The following CACNA2D3 variants were observed in gnomAD, a reference collection of about 807,000 sequenced individuals.
CACNA2D3 encodes the protein voltage-dependent calcium channel subunit alpha-2/delta-3.
CACNA2D3 carries 60 observed loss-of-function variants against 160.6 expected under a neutral mutation model. The observed-to-expected ratio is 0.37, with a 90% confidence interval of 0.30 to 0.46. The LOEUF (loss-of-function observed/expected upper bound fraction) is 0.46. Ranked by LOEUF, CACNA2D3 falls within the 20% of genes least tolerant of loss-of-function variation. The pLI is 1.00. For missense variants in CACNA2D3, 1,205 were observed against 1,365.0 expected (o/e 0.88, Z 1.85); for synonymous variants, 558 against 492.9 (o/e 1.13, Z -1.75).
At chr3:54,682,920 C>T (rs1192414735) in intron 11 of CACNA2D3, among the ~76,000 whole-genome samples, 2 of 152,090 alleles carry the variant, frequency 1.3e-5, no homozygotes, top group Non-Finnish European at 2.9e-5. Flanking sequence ...TGAAGCTGAG[C>T]TATTAATTTT....
chr3:54,714,181 A>G (rs1701007393), intron 11 of CACNA2D3, among the ~76,000 whole-genome samples: 1 of 152,198 alleles, frequency 6.6e-6, no homozygotes, highest in Non-Finnish European at 1.5e-5. Context: ...ATGAAAGACA[A>G]GATGATATTT....
intron 3 of CACNA2D3, among the ~76,000 whole-genome samples, chr3:54,341,003 C>T (rs771118925): frequency 6.6e-5 from 10 of 152,220 alleles, no homozygotes; most frequent in Non-Finnish European, 1.3e-4. Flanking sequence ...TGAAGCTTCA[C>T]GCCTGCTGTC....
intron 13 of CACNA2D3, among the ~76,000 whole-genome samples, chr3:54,801,002 T>TC (rs1702972321): frequency 6.6e-6 from 1 of 151,014 alleles, no homozygotes; most frequent in South Asian, 2.1e-4. Flanking sequence ...TTTTTTTTTT[T>TC]CTTAGACAGA....
chr3:54,990,873 A>G (rs2107114139), intron 31 of CACNA2D3, among the ~76,000 whole-genome samples: 1 of 152,336 alleles, frequency 6.6e-6, no homozygotes, highest in Non-Finnish European at 1.5e-5. Flanking sequence ...TAACAACTTG[A>G]AAGAATTTTG....
intron 10 of CACNA2D3, chr3:54,633,429 G>A (rs1699290201): frequency 6.6e-6 from 1 of 152,156 alleles, no homozygotes; most frequent in Non-Finnish European, 1.5e-5. Context: ...CTAAAGACAG[G>A]ATCCTCGTCA....
chr3:54,251,459 AGAT>A (rs1308410994), intron 2 of CACNA2D3, among the ~76,000 whole-genome samples: 2 of 152,264 alleles, frequency 1.3e-5, no homozygotes, highest in African/African-American at 4.8e-5. Context: ...GTTTTGAAGA[AGAT>A]GACAAACCTA....
chr3:54,386,885 G>A, intron 4 of CACNA2D3, 111 bp downstream of exon 4: 1 of 974,404 alleles, frequency 1.0e-6, no homozygotes, highest in Non-Finnish European at 1.5e-6. Flanking sequence ...AGAGGCTTTT[G>A]AGAGGATGGT....
intron 4 of CACNA2D3, among the ~76,000 whole-genome samples, chr3:54,489,753 A>C (rs1575485495): frequency 6.6e-6 from 1 of 152,170 alleles, no homozygotes; most frequent in African/African-American, 2.4e-5. Context: ...GTGGCTTGTT[A>C]AGTAGGCCAT....
At chr3:54,466,415 A>T (rs1318264343) in intron 4 of CACNA2D3, among the ~76,000 whole-genome samples, 2 of 152,224 alleles carry the variant, frequency 1.3e-5, no homozygotes, top group Admixed American at 1.3e-4. Flanking sequence ...TTGTAAAGAA[A>T]CCCACAAGCT....
intron 17 of CACNA2D3, among the ~76,000 whole-genome samples, chr3:54,869,521 AG>A (rs1699477275): frequency 6.6e-6 from 1 of 152,234 alleles, no homozygotes; most frequent in African/African-American, 2.4e-5. Flanking sequence ...GACCAAAGAA[AG>A]AACTTCCTCA....
rs569197444 is a variant in CACNA2D3, at chr3:55,074,298, G to A, written c.*92G>A. ...TGAACCAAAATATGGTGCAACATACGAGACATGAATATAGTCCAACCATCA... is the reference window on the plus strand; with the variant it reads ...TGAACCAAAATATGGTGCAACATACAAGACATGAATATAGTCCAACCATCA... On this transcript the variant is annotated 3_prime_UTR_variant, in exon 38 of 38. Coordinates refer to ENST00000474759, the MANE Select transcript of CACNA2D3 (RefSeq NM_018398.3). The A allele has an allele frequency of 5.3e-5, 52 of 985,482 alleles. No individual in the cohort carries two copies. The African/African-American group carries it at 6.3e-4, about 12-fold the overall frequency. The allele number at this position is 985,482 out of a possible 1,614,324, so 61.0% of individuals were successfully genotyped here. A position where few individuals can be genotyped will look rare whatever the true frequency, so the allele number is the denominator to read the frequency against.
chr3:54,969,210 A>T (rs1702218905), intron 28 of CACNA2D3, among the ~76,000 whole-genome samples: 3 of 151,688 alleles, frequency 2.0e-5, no homozygotes, highest in Non-Finnish European at 4.4e-5. Context: ...TTACCAAAAG[A>T]TTTGAGATCT....
chr3:55,036,761 C>G (rs538611832), intron 35 of CACNA2D3, among the ~76,000 whole-genome samples: 38 of 152,244 alleles, frequency 2.5e-4, no homozygotes, highest in Middle Eastern at 3.4e-3. Context: ...CCACTGCGCT[C>G]GGCCGTGTTT....
intron 31 of CACNA2D3, among the ~76,000 whole-genome samples, chr3:54,991,325 C>T (rs1472411805): frequency 6.6e-6 from 1 of 151,236 alleles, no homozygotes; most frequent in Non-Finnish European, 1.5e-5. Context: ...TGGGTTCAAG[C>T]GATTCTTCTG....
intron 2 of CACNA2D3, among the ~76,000 whole-genome samples, chr3:54,132,070 C>T (rs1699722438): frequency 6.6e-6 from 1 of 152,198 alleles, no homozygotes; most frequent in African/African-American, 2.4e-5. Flanking sequence ...TACGCTCAGC[C>T]TCCTACTGGT....
intron 16 of CACNA2D3, among the ~76,000 whole-genome samples, chr3:54,839,613 C>T (rs1698777480): frequency 6.6e-6 from 1 of 152,204 alleles, no homozygotes; most frequent in Admixed American, 6.5e-5. Context: ...TTCTCTTTGT[C>T]TCCATCTAAA....
chr3:54,289,639 G>T (rs147930302), intron 2 of CACNA2D3, among the ~76,000 whole-genome samples: 2,602 of 152,226 alleles, frequency 0.017, 81 homozygotes, highest in African/African-American at 0.059. Flanking sequence ...GAAGCATCAC[G>T]CTACCTGACT....
intron 27 of CACNA2D3, among the ~76,000 whole-genome samples, chr3:54,905,844 G>T (rs141050258): frequency 2.0e-5 from 3 of 152,280 alleles, no homozygotes; most frequent in South Asian, 2.1e-4. Context: ...CTTCAACTCA[G>T]TGCTTTCAAA....
At chr3:55,008,640 C>T (rs1401052933) in intron 33 of CACNA2D3, among the ~76,000 whole-genome samples, 1 of 151,990 alleles carries the variant, frequency 6.6e-6, no homozygotes, top group Non-Finnish European at 1.5e-5. Context: ...GAAGTAAATT[C>T]TCCATATACA....
Sources: allele counts gnomAD v4.1 joint callset (sites outside exome capture counted in the v4.1 genomes callset), GRCh38; gene constraint gnomAD v4.1.1; transcripts MANE v1.5; gene names NCBI Gene and HGNC (gene_info 2026-07-23, HGNC 2026-07-21).